ARID4B: variants seen among roughly 807,000 people sequenced by gnomAD.
The protein encoded by ARID4B is AT-rich interaction domain 4B.
Under a neutral mutation model 147.5 loss-of-function variants are expected in ARID4B, and 26 were observed. The ratio of observed to expected loss-of-function variants is 0.18; its 90% confidence interval spans 0.13 to 0.24. ARID4B has a LOEUF of 0.24. ARID4B is among the 10% of genes least tolerant of loss of function. The pLI is 1.00. For missense variants in ARID4B, 1,179 were observed against 1,511.5 expected (o/e 0.78, Z 3.65); for synonymous variants, 512 against 507.9 (o/e 1.01, Z -0.11).
chr1:235,210,616 G>A (rs989726858), intron 17 of ARID4B, among the ~76,000 whole-genome samples: 4 of 152,160 alleles, frequency 2.6e-5, no homozygotes, highest in Non-Finnish European at 4.4e-5. Flanking sequence ...ATCTACTGAA[G>A]TACATTTGTT....
At position 235,225,073 on chromosome 1, in the gene ARID4B, G is replaced by GT. The variant is rs78932838; in HGVS notation, c.898-299dup. 1.4e-4 allele frequency among the ~76,000 whole-genome samples: 13 copies of GT among 89,974 alleles called. No individual in the cohort carries two copies. In the South Asian group the frequency reaches 2.1e-3, roughly 15 times the overall value. 59.0% of individuals were successfully genotyped at this position (89,974 alleles called of 152,430 possible). A position where few individuals can be genotyped will look rare whatever the true frequency, so the allele number is the denominator to read the frequency against. ...TCGTGGTTTTGTTTTGTTTTGTTTT[G>GT]TTTTTTTTACCATATGAGAGAGCTA... On this transcript the variant is annotated intron_variant, in intron 11 of 23. Coordinates refer to ENST00000264183, the MANE Select transcript of ARID4B (RefSeq NM_016374.6).
intron 2 of ARID4B, among the ~76,000 whole-genome samples, chr1:235,316,574 T>C (rs1674451764): frequency 6.6e-6 from 1 of 151,174 alleles, no homozygotes; most frequent in Admixed American, 6.6e-5. Flanking sequence ...TCCAGCACTT[T>C]GGGAGGCTGA....
At chr1:235,255,219 C>CTATATATATATAGAGAGAGAGAGAGA (rs370660682) in intron 5 of ARID4B, among the ~76,000 whole-genome samples, 2 of 127,568 alleles carry the variant, frequency 1.6e-5, no homozygotes, top group African/African-American at 3.1e-5. Context: ...CTGCTGGGAG[C>CTATATATATATAGAGAGAGAGAGAGA]TAGATAGATA....
chr1:235,173,480 T>C (rs1394258907), intron 22 of ARID4B, among the ~76,000 whole-genome samples: 1 of 152,000 alleles, frequency 6.6e-6, no homozygotes, highest in Non-Finnish European at 1.5e-5. Flanking sequence ...TTTAGGTTTT[T>C]TTAAAGAGTG....
chr1:235,296,478 CTCTTT>C (rs1421482312), intron 2 of ARID4B: 1 of 116,342 alleles, frequency 8.6e-6, no homozygotes, highest in African/African-American at 3.2e-5. Flanking sequence ...ATTTATTCTT[CTCTTT>C]TTTTTTGAGA....
At chr1:235,280,892 AT>A (rs941516964) in intron 2 of ARID4B, among the ~76,000 whole-genome samples, 14 of 152,178 alleles carry the variant, frequency 9.2e-5, no homozygotes, top group African/African-American at 3.4e-4. Context: ...TTTGAAAGAA[AT>A]TCTTAATATT....
In ARID4B at chr1:235,294,875, T is replaced by C. The variant is rs535647291; in HGVS notation, c.6+32039A>G. 2.6e-5 allele frequency among the ~76,000 whole-genome samples: 4 copies of C among 151,698 alleles called. No homozygotes were observed. The East Asian group carries it at 5.8e-4, about 22-fold the overall frequency. ...ATGTAAATATTTTACATCAAAAAAA[T>C]TGAAAAGGAAAAAACAGCACTCCTT... On this transcript the variant is annotated intron_variant, in intron 2 of 23. Transcript: ENST00000264183.
At chr1:235,236,862 ATT>A (rs869157061) in intron 8 of ARID4B, among the ~76,000 whole-genome samples, 16 of 17,486 alleles carry the variant, frequency 9.2e-4, no homozygotes, top group East Asian at 3.6e-3. Flanking sequence ...ATATATATAT[ATT>A]TTTTTTTTTT....
chr1:235,242,449 A>G (rs986081984), intron 7 of ARID4B, among the ~76,000 whole-genome samples: 7 of 152,170 alleles, frequency 4.6e-5, no homozygotes, highest in African/African-American at 1.7e-4. Context: ...GCTTAAGAGT[A>G]GTGACTTTTT....
intron 2 of ARID4B, among the ~76,000 whole-genome samples, chr1:235,284,909 T>G (rs1315420948): frequency 7.5e-6 from 1 of 132,628 alleles, no homozygotes; most frequent in Non-Finnish European, 1.7e-5. Flanking sequence ...AATATATATA[T>G]ATTTTTTTTT....
rs61570952 is a variant in ARID4B at position 235,255,267 on chromosome 1, ATATCTCTC to A, written c.274+385_274+392del. Among the ~76,000 whole-genome samples the A allele has an allele frequency of 6.5e-3, 898 of 137,210 alleles. 13 individuals carry two copies. The highest frequency in any genetic ancestry group is 0.023 in the African/African-American group (845 of 36,974). The allele number at this position is 137,210 out of a possible 152,430, so 90.0% of individuals were successfully genotyped here. ...GATAGATAGATAGATAGATAGATAT[ATATCTCTC>A]TCTCTCTCTCTCTATATATATATAT... On this transcript the variant is annotated intron_variant, in intron 5 of 23. Transcript: ENST00000264183.
intron 1 of ARID4B, 107 bp from the exon 2 acceptor site, chr1:235,327,075 G>A: frequency 2.7e-6 from 2 of 742,286 alleles, no homozygotes; most frequent in South Asian, 1.7e-5. Flanking sequence ...AGAAAGAGCC[G>A]CAACCAGGCG....
chr1:235,233,086 C>A lies in ARID4B; in HGVS notation c.665+1327G>T, dbSNP rs558286386. On this transcript the variant is annotated intron_variant, in intron 9 of 23. Coordinates refer to ENST00000264183, the MANE Select transcript of ARID4B (RefSeq NM_016374.6). ...CTCCTGACCTCATGATCCCACCTGC[C>A]TAGGCCTCCCAAAGTGCTGGGATTA... is the stretch of plus-strand genomic sequence containing the variant. 1.1e-3 allele frequency among the ~76,000 whole-genome samples: 173 copies of A among 152,276 alleles called. 1 individual carries two copies. Among genetic ancestry groups the A allele is most frequent in the African/African-American group, 4.1e-3 (170 of 41,576 alleles).
intron 2 of ARID4B, among the ~76,000 whole-genome samples, chr1:235,277,594 TTGTGTGTG>T (rs71576468): frequency 0.17 from 22,154 of 129,458 alleles, 2,237 homozygotes; most frequent in East Asian, 0.39. Flanking sequence ...ATGCCTTATA[TTGTGTGTG>T]TGTGTGTGTG....
Position 235,176,437 on chromosome 1 carries a change from C to CAAAAAAAAAAAA in ARID4B, c.3449-1050_3449-1039dup, listed in dbSNP as rs34808765. The stretch of plus-strand genomic sequence containing the variant: ...CTGATTTTTCACTTAACAACATCAC[C>CAAAAAAAAAAAA]AAAAAAAAAAAAAAAAAAAAAAAAA... On this transcript the variant is annotated intron_variant, in intron 21 of 23. Transcript: ENST00000264183. Among the ~76,000 whole-genome samples the CAAAAAAAAAAAA allele has an allele frequency of 9.3e-4, 21 of 22,532 alleles. 1 individual carries two copies. Among genetic ancestry groups the CAAAAAAAAAAAA allele is most frequent in the African/African-American group, 1.8e-3 (18 of 10,072 alleles). The allele number at this position is 22,532 out of a possible 152,430, so 14.8% of individuals were successfully genotyped here.
At chr1:235,191,491 G>C (rs1384832075) in intron 19 of ARID4B, among the ~76,000 whole-genome samples, 1 of 151,852 alleles carries the variant, frequency 6.6e-6, no homozygotes, top group Non-Finnish European at 1.5e-5. Flanking sequence ...CCTGACCTCA[G>C]GTAATCTGCC....
intron 2 of ARID4B, among the ~76,000 whole-genome samples, chr1:235,321,573 T>A (rs1435518218): frequency 6.6e-6 from 1 of 152,170 alleles, no homozygotes; most frequent in Admixed American, 6.5e-5. Flanking sequence ...TGGCGTGATC[T>A]CGGCTCACTG....
At chr1:235,315,470 G>A (rs1674365065) in intron 2 of ARID4B, among the ~76,000 whole-genome samples, 1 of 152,182 alleles carries the variant, frequency 6.6e-6, no homozygotes, top group African/African-American at 2.4e-5. Flanking sequence ...AAGATATAGT[G>A]TAAGTAATCT....
intron 20 of ARID4B, chr1:235,180,912 A>G: frequency 6.1e-6 from 1 of 164,504 alleles, no homozygotes; most frequent in Non-Finnish European, 1.3e-5. Context: ...CACCATCGAA[A>G]GGCACTAATA....
Sources: allele counts gnomAD v4.1 joint callset (sites outside exome capture counted in the v4.1 genomes callset), GRCh38; gene constraint gnomAD v4.1.1; transcripts MANE v1.5; gene names NCBI Gene and HGNC (gene_info 2026-07-23, HGNC 2026-07-21).